Variants in HPSE2 observed in about 807,000 individuals in gnomAD.
HPSE2 encodes heparanase 2 (inactive).
A neutral mutation model predicts 60.5 loss-of-function variants in HPSE2; 38 were observed. The observed-to-expected ratio is 0.63, with a 90% CI of 0.48 to 0.82. The LOEUF is 0.82. Ranked by LOEUF, HPSE2 falls within the 40% of genes least tolerant of loss-of-function variation. The probability of loss-of-function intolerance (pLI) is 0.00; values close to 1 mark genes in which losing one functional copy is unlikely to be tolerated. For synonymous variants in HPSE2, 295 were observed against 293.2 expected (o/e 1.01, Z -0.06); for missense variants, 713 against 740.4 (o/e 0.96, Z 0.43).
intron 3 of HPSE2, among the ~76,000 whole-genome samples, chr10:99,042,081 T>C (rs1386769251): frequency 6.6e-6 from 1 of 152,200 alleles, no homozygotes; most frequent in African/African-American, 2.4e-5. Flanking sequence ...TTCAGTTCAG[T>C]GTTTCTCTGG....
rs900281720 is a variant in HPSE2, at chr10:99,000,794, G to A, written c.610+143444C>T. On this transcript the variant is annotated intron_variant, in intron 3 of 11. Coordinates refer to ENST00000370552, the MANE Select transcript of HPSE2 (RefSeq NM_021828.5). The stretch of plus-strand genomic sequence containing the variant: ...TATATGCTAAGCTTAATGTCTCTAG[G>A]AGAACTTTAACTTTTTCAGTCCATT... 2.6e-5 allele frequency among the ~76,000 whole-genome samples: 4 copies of A among 152,098 alleles called. No individual in the cohort carries two copies. In the South Asian group the frequency reaches 6.2e-4, roughly 24 times the overall value.
At chr10:98,845,866 C>T (rs188680197) in intron 3 of HPSE2, among the ~76,000 whole-genome samples, 95 of 152,318 alleles carry the variant, frequency 6.2e-4, no homozygotes, top group Non-Finnish European at 1.1e-3. Flanking sequence ...CTCCTACTGA[C>T]TGTCTTGGGA....
chr10:98,799,390 A>T (rs1950854963), intron 3 of HPSE2, among the ~76,000 whole-genome samples: 1 of 152,172 alleles, frequency 6.6e-6, no homozygotes, highest in African/African-American at 2.4e-5. Context: ...TCAGATGGAA[A>T]ATCAAGAAGG....
At chr10:98,693,117 C>A (rs1028517565) in intron 6 of HPSE2, among the ~76,000 whole-genome samples, 11 of 152,078 alleles carry the variant, frequency 7.2e-5, no homozygotes. Flanking sequence ...CTATGAGGGC[C>A]CTGAGTAAAA....
At chr10:99,245,741 T>C in the HPSE2 span, among the ~76,000 whole-genome samples, 2 of 152,232 alleles carry the variant, frequency 1.3e-5, no homozygotes, top group Admixed American at 6.5e-5. Context: ...AAATTAAATA[T>C]GTATATTCCC....
intron 2 of HPSE2, among the ~76,000 whole-genome samples, chr10:99,190,075 A>C (rs183415717): frequency 3.9e-5 from 6 of 152,292 alleles, no homozygotes; most frequent in African/African-American, 1.4e-4. Flanking sequence ...GTCACAAATC[A>C]CTTTATGGGG....
intron 3 of HPSE2, among the ~76,000 whole-genome samples, chr10:99,057,476 GA>G (rs1958140313): frequency 6.6e-6 from 1 of 152,158 alleles, no homozygotes; most frequent in Admixed American, 6.6e-5. Context: ...CATGGGATTT[GA>G]TCTGTCATCT....
rs775252263 is a variant in HPSE2, at chr10:98,743,903, ATGT to A, written c.761_763del (p.Asn254del). The A allele has an allele frequency of 1.7e-5, 28 of 1,613,912 alleles. No individual in the cohort carries two copies. The highest frequency in any genetic ancestry group is 2.7e-5 in the African/African-American group (2 of 74,930). On this transcript the variant is annotated inframe_deletion, in exon 4 of 12. Transcript: ENST00000370552. ...CTTACCATTACCCAGTTCCCAAGAA[ATGT>A]TGTACTTTTTGCTGGCGCTGTACTT...
intron 6 of HPSE2, among the ~76,000 whole-genome samples, chr10:98,684,873 TTCCTACA>T (rs1231865823): frequency 6.6e-6 from 1 of 152,168 alleles, no homozygotes; most frequent in Non-Finnish European, 1.5e-5. Context: ...TTCCCTATAC[TTCCTACA>T]TCCAAGGATT....
chr10:98,852,581 G>A (rs1014935008), intron 3 of HPSE2, among the ~76,000 whole-genome samples: 2 of 152,200 alleles, frequency 1.3e-5, no homozygotes, highest in African/African-American at 4.8e-5. Context: ...AGAAGAATTT[G>A]AACAGACAGG....
intron 9 of HPSE2, among the ~76,000 whole-genome samples, chr10:98,587,110 T>C (rs1361550385): frequency 6.6e-6 from 1 of 152,242 alleles, no homozygotes; most frequent in East Asian, 1.9e-4. Flanking sequence ...ATTATCATCA[T>C]TATCATCCTT....
the HPSE2 span, among the ~76,000 whole-genome samples, chr10:99,257,937 C>A: frequency 6.6e-6 from 1 of 152,148 alleles, no homozygotes; most frequent in South Asian, 2.1e-4. Flanking sequence ...AAAGAACCTA[C>A]GTGACTATCG....
At chr10:98,790,239 A>G (rs934123190) in intron 3 of HPSE2, among the ~76,000 whole-genome samples, 28 of 152,240 alleles carry the variant, frequency 1.8e-4, no homozygotes, top group Admixed American at 7.9e-4. Flanking sequence ...ATAGACAAAT[A>G]AGTTGATTCC....
At chr10:99,296,813 A>G in the HPSE2 span, among the ~76,000 whole-genome samples, 1 of 152,180 alleles carries the variant, frequency 6.6e-6, no homozygotes, top group African/African-American at 2.4e-5. Flanking sequence ...GTAGGGCAGT[A>G]GTCAAGGACT....
intron 3 of HPSE2, among the ~76,000 whole-genome samples, chr10:98,951,402 A>T (rs1955353100): frequency 6.6e-6 from 1 of 152,170 alleles, no homozygotes; most frequent in Non-Finnish European, 1.5e-5. Context: ...CCTCTGCACT[A>T]GATGTTCTTC....
chr10:98,519,561 C>T (rs1406650196), intron 9 of HPSE2, among the ~76,000 whole-genome samples: 2 of 152,262 alleles, frequency 1.3e-5, no homozygotes, highest in Non-Finnish European at 1.5e-5. Flanking sequence ...ATAACCACTG[C>T]CTTCTTGGCA....
At chr10:99,152,457 T>C (rs1846309877) in intron 2 of HPSE2, among the ~76,000 whole-genome samples, 2 of 152,036 alleles carry the variant, frequency 1.3e-5, no homozygotes, top group Non-Finnish European at 2.9e-5. Flanking sequence ...CACTAGAAAT[T>C]GTAAATATGT....
intron 11 of HPSE2, among the ~76,000 whole-genome samples, chr10:98,473,635 A>T (rs1162449930): frequency 1.3e-5 from 2 of 152,210 alleles, no homozygotes; most frequent in Admixed American, 6.5e-5. Context: ...ACACCAGGTC[A>T]TTTGAGGAAT....
In HPSE2 at chr10:98,723,221, T is replaced by A. The variant is rs565569190; in HGVS notation, c.785-1393A>T. 3.3e-5 allele frequency among the ~76,000 whole-genome samples: 5 copies of A among 152,350 alleles called. No homozygotes were observed. In the South Asian group the frequency reaches 8.3e-4, roughly 25 times the overall value. ...GCCTTTTCTGCATCTATTGAGATAA[T>A]CATGTGGTTTTTGTCTTTGGTTCTG... On this transcript the variant is annotated intron_variant, in intron 4 of 11. Coordinates refer to ENST00000370552, the MANE Select transcript of HPSE2 (RefSeq NM_021828.5).
Sources: gnomAD v4.1 joint callset for allele counts (sites outside exome capture counted in the v4.1 genomes callset) on GRCh38, gnomAD v4.1.1 for gene constraint, MANE v1.5 for transcripts, NCBI Gene and HGNC (gene_info 2026-07-23, HGNC 2026-07-21) for gene names.